PPP4R3B: variants seen among roughly 807,000 people sequenced by gnomAD.
PPP4R3B encodes the protein serine/threonine-protein phosphatase 4 regulatory subunit 3B.
Under a neutral mutation model 95.4 loss-of-function variants are expected in PPP4R3B, and 52 were observed. The ratio of observed to expected loss-of-function variants is 0.54; its 90% confidence interval spans 0.44 to 0.69. The LOEUF is 0.69. PPP4R3B is among the 30% of genes least tolerant of loss of function. The pLI is 0.00. For missense variants in PPP4R3B, 1,003 were observed against 1,005.9 expected (o/e 1.00, Z 0.04); for synonymous variants, 407 against 343.9 (o/e 1.18, Z -2.03).
intron 11 of PPP4R3B, among the ~76,000 whole-genome samples, chr2:55,574,349 T>C (rs1028138763): frequency 2.0e-5 from 3 of 151,842 alleles, no homozygotes; most frequent in African/African-American, 7.3e-5. Flanking sequence ...AATAAAAATA[T>C]ATGAACATGA....
chr2:55,568,310 G>A lies in PPP4R3B; in HGVS notation c.1819C>T (p.Arg607Cys), dbSNP rs368926129. 32 of 1,608,364 alleles carry A rather than the reference G, an allele frequency of 2.0e-5. No homozygotes were observed. Among genetic ancestry groups the A allele is most frequent in the Non-Finnish European group, 2.4e-5 (28 of 1,177,740 alleles). ...AAAAGATTTCCCTTGGTGATGTAAC[G>A]ATTATAAAATTCATCTTTAAGTCCA... ...IIGLKDEFYN[R>C]YITKGNLFEP... The change falls in exon 13 of 17, where the codon CGT becomes TGT. Residue 607 changes from arginine (R) to cysteine (C), a missense_variant. By Grantham distance (180) the Arg-to-Cys change is radical. Around this residue, in one of 3 missense-constraint regions of PPP4R3B, gnomAD observed 79 missense variants for 124.9 expected, o/e 0.63. Transcript: ENST00000616407.
At chr2:55,599,293 C>G (rs912114776) in intron 3 of PPP4R3B, among the ~76,000 whole-genome samples, 1 of 152,058 alleles carries the variant, frequency 6.6e-6, no homozygotes, top group African/African-American at 2.4e-5. Flanking sequence ...CAAAAATCAG[C>G]CAGGTGTGGT....
In PPP4R3B at chr2:55,617,420, G is replaced by A. The variant is rs1695121636; in HGVS notation, c.-135C>T. 2.8e-6 allele frequency: 3 copies of A among 1,063,238 alleles called. No homozygotes were observed. The highest frequency in any genetic ancestry group is 3.8e-6 in the Non-Finnish European group (3 of 791,556). 65.9% of individuals were successfully genotyped at this position (1,063,238 alleles called of 1,614,324 possible). A position where few individuals can be genotyped will look rare whatever the true frequency, so the allele number is the denominator to read the frequency against. On this transcript the variant is annotated 5_prime_UTR_variant, in exon 1 of 17. Transcript: ENST00000616407. Reference sequence around the variant, plus strand: ...CTTCGGAGAGGCCCGAATTCACCATGGCTCCAAAGGTTCAGCCGCGAGAAG... The same window carrying A: ...CTTCGGAGAGGCCCGAATTCACCATAGCTCCAAAGGTTCAGCCGCGAGAAG...
intron 4 of PPP4R3B, among the ~76,000 whole-genome samples, chr2:55,589,993 A>G (rs1277491695): frequency 6.9e-6 from 1 of 144,882 alleles, no homozygotes; most frequent in Non-Finnish European, 1.5e-5. Context: ...AATATATTAT[A>G]TATATATAAT....
chr2:55,598,435 T>A lies in PPP4R3B; in HGVS notation c.902A>T (p.Glu301Val), dbSNP rs1692102679. The change falls in exon 4 of 17, where the codon GAG becomes GTG. Residue 301 changes from glutamate to valine, a missense_variant. Glu to Val is a moderately radical substitution (Grantham distance 121). This residue lies in a region of PPP4R3B where 695 missense variants were observed against 686.2 expected (regional missense o/e 1.01). Coordinates refer to ENST00000616407, the MANE Select transcript of PPP4R3B (RefSeq NM_001122964.3). ...LTSFIFFNKV[E>V]IVSMLQEDEK... ...ACTTACCTGCAACATGCTGACTATCTCAACTTTGTTGAAGAAAATAAAAGA... is the reference window on the plus strand; with the variant it reads ...ACTTACCTGCAACATGCTGACTATCACAACTTTGTTGAAGAAAATAAAAGA... 6.2e-7 allele frequency: 1 copy of A among 1,613,728 alleles called. No individual in the cohort carries two copies. The highest frequency in any genetic ancestry group is 8.5e-7 in the Non-Finnish European group (1 of 1,179,920).
chr2:55,601,683 G>C (rs1046702288), intron 3 of PPP4R3B, among the ~76,000 whole-genome samples: 2 of 152,142 alleles, frequency 1.3e-5, no homozygotes, highest in Non-Finnish European at 2.9e-5. Context: ...CCCAGACCCA[G>C]ACCAACTGTT....
At chr2:55,606,065 G>C (rs1693347695) in intron 2 of PPP4R3B, among the ~76,000 whole-genome samples, 1 of 152,038 alleles carries the variant, frequency 6.6e-6, no homozygotes, top group South Asian at 2.1e-4. Flanking sequence ...TCTGGTCAGT[G>C]CTGGTTAAAA....
At chr2:55,580,036 A>G (rs1253897206) in intron 8 of PPP4R3B, among the ~76,000 whole-genome samples, 1 of 152,166 alleles carries the variant, frequency 6.6e-6, no homozygotes, top group Non-Finnish European at 1.5e-5. Flanking sequence ...ACTTCATATT[A>G]TGTACTAAGT....
intron 11 of PPP4R3B, among the ~76,000 whole-genome samples, chr2:55,576,253 GCGGGAGATGGTTTGAA>G (rs1397548649): frequency 6.6e-6 from 1 of 152,214 alleles, no homozygotes; most frequent in African/African-American, 2.4e-5. Context: ...GGAGGCTGAG[GCGGGAGATGGTTTGAA>G]CCCAGAAGGT....
intron 4 of PPP4R3B, chr2:55,591,754 T>C (rs1574839265): frequency 1.4e-6 from 1 of 693,452 alleles, no homozygotes; most frequent in Non-Finnish European, 1.8e-6. Context: ...TAAGAGAATA[T>C]GTATTCCTAG....
At chr2:55,564,628 C>A in intron 14 of PPP4R3B, 131 bp from the exon 15 acceptor site, 1 of 831,344 alleles carries the variant, frequency 1.2e-6, no homozygotes, top group Non-Finnish European at 1.8e-6. Context: ...TCAAAATAAT[C>A]TCTGTAATGA....
Position 55,579,794 on chromosome 2 carries a change from A to G in PPP4R3B, c.1366-13T>C, listed in dbSNP as rs970533539. The G allele has an allele frequency of 6.6e-7, 1 of 1,512,528 alleles. No individual in the cohort carries two copies. Among genetic ancestry groups the G allele is most frequent in the Non-Finnish European group, 9.1e-7 (1 of 1,098,324 alleles). 93.7% of individuals were successfully genotyped at this position (1,512,528 alleles called of 1,614,324 possible). Reference sequence around the variant, plus strand: ...TTTTTTCGGTTTTCTGAAACATAGAATTTTTTAAACAATACTGTTACTTAT... The same window carrying G: ...TTTTTTCGGTTTTCTGAAACATAGAGTTTTTTAAACAATACTGTTACTTAT... On this transcript the variant is annotated splice_polypyrimidine_tract_variant and intron_variant, in intron 8 of 16. Transcript: ENST00000616407.
chr2:55,603,874 TAA>T, intron 3 of PPP4R3B, 102 bp downstream of exon 3: 1 of 683,538 alleles, frequency 1.5e-6, no homozygotes, highest in Non-Finnish European at 2.4e-6. Context: ...AGTCTCACAT[TAA>T]GACACTATCT....
At chr2:55,561,724 T>G (rs1473858658) in intron 15 of PPP4R3B, among the ~76,000 whole-genome samples, 1 of 152,232 alleles carries the variant, frequency 6.6e-6, no homozygotes, top group Non-Finnish European at 1.5e-5. Context: ...CTGTAGCCCC[T>G]TTGTTTTGGC....
At chr2:55,582,539 T>C (rs1401212427) in intron 7 of PPP4R3B, among the ~76,000 whole-genome samples, 1 of 152,224 alleles carries the variant, frequency 6.6e-6, no homozygotes, top group African/African-American at 2.4e-5. Flanking sequence ...AACAGATTTC[T>C]TAAAAATTTT....
chr2:55,617,364 A>C lies in PPP4R3B; in HGVS notation c.-79T>G, dbSNP rs976568377. On this transcript the variant is annotated 5_prime_UTR_variant, in exon 1 of 17. Coordinates refer to ENST00000616407, the MANE Select transcript of PPP4R3B (RefSeq NM_001122964.3). ...CGCTCCTCACTCTTAGGAGACGGTA[A>C]AGGCAGTAGTGGCGGTGGCGGCGGC... 1.4e-6 allele frequency: 2 copies of C among 1,405,098 alleles called. No homozygotes were observed. Among genetic ancestry groups the C allele is most frequent in the African/African-American group, 2.9e-5 (2 of 68,444 alleles). 87.0% of individuals were successfully genotyped at this position (1,405,098 alleles called of 1,614,324 possible).
chr2:55,580,677 G>A (rs985525343), intron 8 of PPP4R3B, among the ~76,000 whole-genome samples: 16 of 152,194 alleles, frequency 1.1e-4, no homozygotes, highest in African/African-American at 3.6e-4. Flanking sequence ...GGAAAATAAT[G>A]TCTATGGCTT....
At chr2:55,601,602 G>C (rs1469683670) in intron 3 of PPP4R3B, among the ~76,000 whole-genome samples, 4 of 152,022 alleles carry the variant, frequency 2.6e-5, no homozygotes, top group African/African-American at 9.7e-5. Flanking sequence ...GGATGGTCTT[G>C]ATTTCCTGAC....
intron 2 of PPP4R3B, among the ~76,000 whole-genome samples, chr2:55,607,594 T>C (rs1693597230): frequency 6.6e-6 from 1 of 152,150 alleles, no homozygotes; most frequent in Non-Finnish European, 1.5e-5. Context: ...GGGCACATCA[T>C]CCTCCAGGAA....
Sources: gnomAD v4.1 joint callset for allele counts (sites outside exome capture counted in the v4.1 genomes callset) on GRCh38, gnomAD v4.1.1 for gene constraint, gnomAD v4.1.1 regional missense constraint, MANE v1.5 for transcripts, NCBI Gene and HGNC (gene_info 2026-07-23, HGNC 2026-07-21) for gene names.